NRG3: variants seen among roughly 807,000 people sequenced by gnomAD.
The protein encoded by NRG3 is neuregulin 3, also known as pro-neuregulin-3, membrane-bound isoform.
Under a neutral mutation model 66.9 loss-of-function variants are expected in NRG3, and 31 were observed. The ratio of observed to expected loss-of-function variants is 0.46; its 90% CI spans 0.35 to 0.63. The LOEUF (loss-of-function observed/expected upper bound fraction) is 0.63. Among genes scored for constraint, NRG3 ranks in the 20% least tolerant of loss-of-function variants. The pLI, the probability that NRG3 is intolerant of heterozygous loss-of-function variation, is 0.00. For synonymous variants in NRG3, 393 were observed against 359.4 expected (o/e 1.09, Z -1.06); for missense variants, 910 against 878.9 (o/e 1.04, Z -0.45).
At chr10:82,184,211 G>A (rs549191279) in intron 1 of NRG3, among the ~76,000 whole-genome samples, 1 of 152,206 alleles carries the variant, frequency 6.6e-6, no homozygotes, top group East Asian at 1.9e-4. Context: ...CTTGACATTT[G>A]CACCGATAGT....
intron 2 of NRG3, among the ~76,000 whole-genome samples, chr10:82,475,569 A>G (rs1396011969): frequency 1.3e-5 from 2 of 152,186 alleles, no homozygotes; most frequent in African/African-American, 2.4e-5. Flanking sequence ...TTTTCTACAA[A>G]GATACCAAAA....
At chr10:82,367,809 C>A (rs939382484) in intron 2 of NRG3, among the ~76,000 whole-genome samples, 2 of 152,060 alleles carry the variant, frequency 1.3e-5, no homozygotes, top group Admixed American at 6.6e-5. Context: ...GCCTGGCCAA[C>A]GTGGCAAAAC....
intron 2 of NRG3, among the ~76,000 whole-genome samples, chr10:82,665,576 C>A (rs892186526): frequency 6.6e-6 from 1 of 152,186 alleles, no homozygotes; most frequent in Non-Finnish European, 1.5e-5. Flanking sequence ...CTACCTTGAT[C>A]TTTTATTAAC....
intron 2 of NRG3, among the ~76,000 whole-genome samples, chr10:82,624,614 G>A (rs999207858): frequency 6.6e-6 from 1 of 150,766 alleles, no homozygotes; most frequent in Non-Finnish European, 1.5e-5. Context: ...TTTAAATCCA[G>A]GTAATTTTTA....
intron 1 of NRG3, chr10:81,877,637 G>C: frequency 8.5e-7 from 1 of 1,181,866 alleles, no homozygotes; most frequent in Non-Finnish European, 1.0e-6. Context: ...GGAAAAAAAA[G>C]CAAACCTACT....
intron 2 of NRG3, among the ~76,000 whole-genome samples, chr10:82,686,811 G>A (rs2054550813): frequency 6.6e-6 from 1 of 152,084 alleles, no homozygotes; most frequent in Admixed American, 6.6e-5. Context: ...CTTTCAACCT[G>A]GTTTGACAAA....
At chr10:81,929,122 G>A (rs545529140) in intron 1 of NRG3, among the ~76,000 whole-genome samples, 2 of 152,178 alleles carry the variant, frequency 1.3e-5, no homozygotes, top group African/African-American at 4.8e-5. Context: ...CCACCACAGG[G>A]CTGAGTCACT....
At chr10:82,890,508 T>C (rs995115234) in intron 4 of NRG3, among the ~76,000 whole-genome samples, 8 of 152,206 alleles carry the variant, frequency 5.3e-5, no homozygotes, top group African/African-American at 9.6e-5. Flanking sequence ...ACATTCATCA[T>C]GTGAATATAA....
rs114373479 is a variant in NRG3 at position 82,257,671 on chromosome 10, G to A, written c.824-101068G>A. On this transcript the variant is annotated intron_variant, in intron 1 of 8. Transcript: ENST00000372141. The stretch of plus-strand genomic sequence containing the variant: ...AATCCCAGCTACTCAGGAGCATGAG[G>A]TGGTAGGATTGCTTGAACCTGGGAG... Among the ~76,000 whole-genome samples, 1,030 of 152,180 alleles carry A rather than the reference G, an allele frequency of 6.8e-3. 10 individuals carry two copies. The highest frequency in any genetic ancestry group is 0.024 in the African/African-American group (986 of 41,514).
intron 3 of NRG3, among the ~76,000 whole-genome samples, chr10:82,841,697 A>G (rs342379): frequency 0.14 from 21,778 of 152,176 alleles, 1,551 homozygotes; most frequent in African/African-American, 0.17. Flanking sequence ...TCTTACTTAA[A>G]GTCAACCAAT....
intron 1 of NRG3, among the ~76,000 whole-genome samples, chr10:82,216,386 A>G (rs2075677229): frequency 6.6e-6 from 1 of 151,680 alleles, no homozygotes; most frequent in African/African-American, 2.4e-5. Flanking sequence ...TTTGATATAT[A>G]CTCTGGAGTA....
At chr10:82,061,356 CA>C (rs975627567) in intron 1 of NRG3, among the ~76,000 whole-genome samples, 2 of 152,026 alleles carry the variant, frequency 1.3e-5, no homozygotes, top group African/African-American at 2.4e-5. Flanking sequence ...CCCTCTCAAA[CA>C]AAACAAAACA....
intron 4 of NRG3, among the ~76,000 whole-genome samples, chr10:82,869,016 C>A (rs1199223068): frequency 1.3e-5 from 2 of 152,182 alleles, no homozygotes; most frequent in East Asian, 3.9e-4. Context: ...ATTATAGAAT[C>A]CATATGGGTA....
chr10:82,011,221 C>A (rs2061561548), intron 1 of NRG3, among the ~76,000 whole-genome samples: 1 of 152,110 alleles, frequency 6.6e-6, no homozygotes, highest in African/African-American at 2.4e-5. Context: ...CAAGCCACGT[C>A]TTAAATGATA....
chr10:82,644,025 C>A (rs56144640), intron 2 of NRG3, among the ~76,000 whole-genome samples: 13,483 of 152,116 alleles, frequency 0.089, 709 homozygotes, highest in East Asian at 0.23. Flanking sequence ...TGAGTTATAG[C>A]AGCAGTGATA....
chr10:82,607,058 A>T (rs2048012613), intron 2 of NRG3, among the ~76,000 whole-genome samples: 2 of 152,086 alleles, frequency 1.3e-5, no homozygotes, highest in Admixed American at 1.3e-4. Context: ...TACAATTATT[A>T]AACGCTTTCT....
intron 1 of NRG3, among the ~76,000 whole-genome samples, chr10:82,224,919 A>C (rs2076100951): frequency 6.6e-6 from 1 of 152,070 alleles, no homozygotes; most frequent in Non-Finnish European, 1.5e-5. Context: ...ACAAACAAGA[A>C]TAATATGAAC....
intron 1 of NRG3, among the ~76,000 whole-genome samples, chr10:82,132,479 GAT>G (rs373794605): frequency 0.36 from 21,849 of 60,718 alleles, 6,019 homozygotes; most frequent in African/African-American, 0.54. Context: ...ATATATATAT[GAT>G]ATATATATAT....
At chr10:82,124,231 A>G (rs1159160978) in intron 1 of NRG3, among the ~76,000 whole-genome samples, 1 of 151,964 alleles carries the variant, frequency 6.6e-6, no homozygotes, top group Non-Finnish European at 1.5e-5. Flanking sequence ...GAACTGATGA[A>G]TCCTGTATTT....
Sources: allele counts gnomAD v4.1 joint callset (sites outside exome capture counted in the v4.1 genomes callset), GRCh38; gene constraint gnomAD v4.1.1; transcripts MANE v1.5; gene names NCBI Gene and HGNC (gene_info 2026-07-23, HGNC 2026-07-21).